ABCB5: variants seen among roughly 807,000 people sequenced by gnomAD.
ABCB5 encodes ATP binding cassette subfamily B member 5.
ABCB5 carries 155 observed loss-of-function variants against 144.2 expected under a neutral mutation model. The ratio of observed to expected loss-of-function variants is 1.08; its 90% CI spans 0.94 to 1.23. The LOEUF is 1.23. Ranked by LOEUF, ABCB5 falls within the 50% of genes most tolerant of loss-of-function variation. The probability of loss-of-function intolerance (pLI) is 0.00; values close to 1 mark genes in which losing one functional copy is unlikely to be tolerated. For synonymous variants in ABCB5, 610 were observed against 528.6 expected (o/e 1.15, Z -2.11); for missense variants, 1,830 against 1,520.8 (o/e 1.20, Z -3.38).
chr7:20,731,027 T>C (rs1174036337), intron 23 of ABCB5, among the ~76,000 whole-genome samples: 1 of 151,720 alleles, frequency 6.6e-6, no homozygotes, highest in Non-Finnish European at 1.5e-5. Flanking sequence ...TCTCTGTCAC[T>C]ACTCTTTCTT....
intron 13 of ABCB5, among the ~76,000 whole-genome samples, chr7:20,652,360 G>C (rs1431193647): frequency 6.6e-6 from 1 of 152,184 alleles, no homozygotes; most frequent in African/African-American, 2.4e-5. Flanking sequence ...CTGAGGTTAG[G>C]AGTTTGAGAC....
intron 20 of ABCB5, among the ~76,000 whole-genome samples, chr7:20,715,256 G>A (rs1781632212): frequency 6.6e-6 from 1 of 152,106 alleles, no homozygotes; most frequent in African/African-American, 2.4e-5. Flanking sequence ...ACATTGGCCA[G>A]GCTGGTTTTG....
chr7:20,658,958 C>A (rs1235522419), intron 14 of ABCB5: 79 of 1,283,592 alleles, frequency 6.2e-5, no homozygotes, highest in Non-Finnish European at 8.7e-5. Flanking sequence ...CACTTTCCAC[C>A]TCCCTAGAGT....
At chr7:20,650,218 C>G (rs1223427756) in intron 12 of ABCB5, 71 bp downstream of exon 12, 118 of 1,550,178 alleles carry the variant, frequency 7.6e-5, no homozygotes, top group Non-Finnish European at 1.0e-4. Flanking sequence ...GCTGGCAGCT[C>G]TGTAACTTTT....
intron 13 of ABCB5, among the ~76,000 whole-genome samples, chr7:20,657,521 G>A (rs1365936499): frequency 6.6e-6 from 1 of 152,142 alleles, no homozygotes; most frequent in African/African-American, 2.4e-5. Flanking sequence ...AGCCAAAGAA[G>A]TACATACTGT....
chr7:20,740,881 C>T lies in ABCB5; in HGVS notation c.3024+1742C>T, dbSNP rs143662259. On this transcript the variant is annotated intron_variant, in intron 24 of 27. Coordinates refer to ENST00000404938, the MANE Select transcript of ABCB5 (RefSeq NM_001163941.2). ...CAGGACTTTGGGAGGCTGAGACGGG[C>T]GGATCACCTAAGGTCAGGAGTTCAA... is the stretch of plus-strand genomic sequence containing the variant. 1.1e-3 allele frequency among the ~76,000 whole-genome samples: 173 copies of T among 152,016 alleles called. 3 individuals are homozygous for T. The highest frequency in any genetic ancestry group is 4.0e-3 in the African/African-American group (164 of 41,492).
intron 19 of ABCB5, among the ~76,000 whole-genome samples, chr7:20,702,245 T>C (rs1269520350): frequency 2.0e-5 from 3 of 152,242 alleles, no homozygotes; most frequent in Non-Finnish European, 4.4e-5. Context: ...AATAATTACC[T>C]ATAGAGCTAT....
At chr7:20,738,629 T>G (rs959687533) in intron 23 of ABCB5, among the ~76,000 whole-genome samples, 2 of 152,224 alleles carry the variant, frequency 1.3e-5, no homozygotes, top group African/African-American at 4.8e-5. Flanking sequence ...GGAGATTCAT[T>G]CTTCCTATTG....
chr7:20,744,798 AC>A (rs1326082793), intron 25 of ABCB5, among the ~76,000 whole-genome samples: 2 of 151,972 alleles, frequency 1.3e-5, no homozygotes, highest in Admixed American at 6.5e-5. Context: ...TATATAAGCT[AC>A]AAAAGGGAAA....
rs796493502 is a variant in ABCB5, at chr7:20,670,378, AAAG to A, written c.1708-11124_1708-11122del. Among the ~76,000 whole-genome samples, 316 of 138,438 alleles carry A rather than the reference AAAG, an allele frequency of 2.3e-3. 7 individuals are homozygous for A. The South Asian group carries it at 0.048, about 21-fold the overall frequency. 90.8% of individuals were successfully genotyped at this position (138,438 alleles called of 152,430 possible). A position where few individuals can be genotyped will look rare whatever the true frequency, so the allele number is the denominator to read the frequency against. ...CTGTAAATCTAAAGCTATTCTAAAA[AAAG>A]AAAAAGAAAAAAAAAAGGTTGACGT... On this transcript the variant is annotated intron_variant, in intron 14 of 27. Coordinates refer to ENST00000404938, the MANE Select transcript of ABCB5 (RefSeq NM_001163941.2).
At chr7:20,683,281 A>T (rs946323721) in intron 15 of ABCB5, among the ~76,000 whole-genome samples, 1 of 152,190 alleles carries the variant, frequency 6.6e-6, no homozygotes, top group African/African-American at 2.4e-5. Context: ...AAACTGTCTG[A>T]TTCTCATTTT....
intron 14 of ABCB5, among the ~76,000 whole-genome samples, chr7:20,663,242 G>C (rs946946439): frequency 2.6e-5 from 4 of 152,182 alleles, no homozygotes; most frequent in Non-Finnish European, 5.9e-5. Flanking sequence ...TCACTTCTGA[G>C]TATATGCCCA....
intron 13 of ABCB5, among the ~76,000 whole-genome samples, chr7:20,658,161 T>C (rs1784872179): frequency 6.6e-6 from 1 of 152,186 alleles, no homozygotes; most frequent in Non-Finnish European, 1.5e-5. Context: ...GGTATTTGTA[T>C]TACAGTGGTT....
chr7:20,704,936 C>A, intron 20 of ABCB5, 129 bp downstream of exon 20: 1 of 592,080 alleles, frequency 1.7e-6, no homozygotes, highest in Non-Finnish European at 2.7e-6. Context: ...CCAGGTAAGT[C>A]TCACGGTTAA....
intron 16 of ABCB5, among the ~76,000 whole-genome samples, chr7:20,686,877 C>T (rs1786019661): frequency 6.6e-6 from 1 of 152,138 alleles, no homozygotes; most frequent in African/African-American, 2.4e-5. Flanking sequence ...CTGCCTGAAG[C>T]CCCTGGATTA....
chr7:20,726,838 A>C (rs1782052383), intron 21 of ABCB5, among the ~76,000 whole-genome samples: 1 of 152,170 alleles, frequency 6.6e-6, no homozygotes, highest in Non-Finnish European at 1.5e-5. Context: ...TCAATAAGAC[A>C]TTTTCCTTAA....
intron 14 of ABCB5, chr7:20,659,055 T>C (rs1388522201): frequency 1.2e-6 from 2 of 1,613,604 alleles, no homozygotes; most frequent in Non-Finnish European, 1.7e-6. Flanking sequence ...CTGACCACTT[T>C]TCTTCTTTAG....
intron 20 of ABCB5, among the ~76,000 whole-genome samples, chr7:20,716,543 T>G (rs1781680758): frequency 1.3e-5 from 2 of 152,124 alleles, no homozygotes; most frequent in Admixed American, 1.3e-4. Flanking sequence ...AACACAGTAC[T>G]TTAGTGGACA....
Position 20,658,553 on chromosome 7 carries a change from G to A in ABCB5, c.1584G>A (p.Gly528=). Residue 528 remains glycine, a synonymous_variant, in exon 14 of 28, where the codon GGG becomes GGA. Coordinates refer to ENST00000404938, the MANE Select transcript of ABCB5 (RefSeq NM_001163941.2). The stretch of plus-strand genomic sequence containing the variant: ...AAAAAGGAGCTCAAATGAGTGGAGG[G>A]CAGAAACAGAGGATCGCAATTGCTC... ...VGEKGAQMSG[G]QKQRIAIARA... 6.2e-7 allele frequency: 1 copy of A among 1,614,120 alleles called. No homozygotes were observed. Among genetic ancestry groups the A allele is most frequent in the Non-Finnish European group, 8.5e-7 (1 of 1,180,024 alleles).
Sources: gnomAD v4.1 joint callset for allele counts (sites outside exome capture counted in the v4.1 genomes callset) on GRCh38, gnomAD v4.1.1 for gene constraint, MANE v1.5 for transcripts, NCBI Gene and HGNC (gene_info 2026-07-23, HGNC 2026-07-21) for gene names.